Variants in EXT1 observed in about 807,000 individuals in gnomAD.
EXT1 encodes exostosin glycosyltransferase 1, also known as exostosin-1.
EXT1 carries 20 observed loss-of-function variants against 82.5 expected under a neutral mutation model. The ratio of observed to expected loss-of-function variants is 0.24; its 90% CI spans 0.17 to 0.35. The LOEUF (loss-of-function observed/expected upper bound fraction) is 0.35, where lower values mean the gene tolerates loss of function less well. EXT1 is among the 10% of genes least tolerant of loss of function. The pLI is 1.00. For missense variants in EXT1, 757 were observed against 936.5 expected, an observed-to-expected ratio of 0.81 and a Z score of 2.50; for synonymous variants, 348 against 350.8, an observed-to-expected ratio of 0.99 and a Z score of 0.09.
At chr8:117,936,119 T>C (rs1814157510) in intron 1 of EXT1, among the ~76,000 whole-genome samples, 1 of 152,226 alleles carries the variant, frequency 6.6e-6, no homozygotes, top group Admixed American at 6.5e-5. Flanking sequence ...GGCAACATGT[T>C]TCCACTGAAA....
At chr8:118,088,684 C>CTT (rs34437784) in intron 1 of EXT1, among the ~76,000 whole-genome samples, 208 of 144,930 alleles carry the variant, frequency 1.4e-3, no homozygotes, top group African/African-American at 5.0e-3. Context: ...GATGCCTTCT[C>CTT]TTTTTTTTTT....
chr8:118,094,205 AC>A (rs1817569876), intron 1 of EXT1, among the ~76,000 whole-genome samples: 3 of 152,298 alleles, frequency 2.0e-5, no homozygotes, highest in African/African-American at 7.2e-5. Flanking sequence ...GAAACATAAT[AC>A]TTTTGTAATA....
At chr8:117,832,233 A>G (rs1812112643) in intron 3 of EXT1, among the ~76,000 whole-genome samples, 1 of 152,156 alleles carries the variant, frequency 6.6e-6, no homozygotes, top group Non-Finnish European at 1.5e-5. Context: ...AGTCTATTAG[A>G]AAAATGCCTA....
At chr8:118,067,466 TGAGA>T (rs1306291907) in intron 1 of EXT1, among the ~76,000 whole-genome samples, 2 of 152,218 alleles carry the variant, frequency 1.3e-5, no homozygotes, top group African/African-American at 4.8e-5. Flanking sequence ...ACTGACTGCT[TGAGA>T]GAGCCACTAT....
At chr8:117,840,592 A>G (rs1440270428) in intron 1 of EXT1, among the ~76,000 whole-genome samples, 1 of 151,938 alleles carries the variant, frequency 6.6e-6, no homozygotes, top group Admixed American at 6.6e-5. Context: ...AGCCTGGGCA[A>G]CAAGAGCGAA....
intron 1 of EXT1, among the ~76,000 whole-genome samples, chr8:117,925,893 G>C (rs1302757060): frequency 1.3e-5 from 2 of 152,082 alleles, no homozygotes; most frequent in African/African-American, 2.4e-5. Flanking sequence ...GAGAGACCTT[G>C]TCTCAAAAAC....
chr8:117,864,518 G>A (rs1418179637), intron 1 of EXT1, among the ~76,000 whole-genome samples: 1 of 152,202 alleles, frequency 6.6e-6, no homozygotes, highest in Non-Finnish European at 1.5e-5. Flanking sequence ...GGGAGGCCGA[G>A]GCGGGCGGAT....
intron 1 of EXT1, among the ~76,000 whole-genome samples, chr8:117,978,655 A>C (rs192734698): frequency 2.0e-5 from 3 of 152,220 alleles, no homozygotes; most frequent in African/African-American, 7.2e-5. Context: ...GTTTCTTTAC[A>C]AATGTATCAC....
intron 1 of EXT1, among the ~76,000 whole-genome samples, chr8:117,882,891 C>T (rs533143896): frequency 2.0e-5 from 3 of 150,732 alleles, no homozygotes; most frequent in South Asian, 4.2e-4. Context: ...GCAGGAGAAT[C>T]GCTTGAACTG....
chr8:117,833,200 T>C (rs755850493), intron 3 of EXT1, among the ~76,000 whole-genome samples: 16 of 152,012 alleles, frequency 1.1e-4, no homozygotes, highest in Non-Finnish European at 2.4e-4. Flanking sequence ...AGACTGAATA[T>C]GAGAGGGGAA....
intron 1 of EXT1, among the ~76,000 whole-genome samples, chr8:117,858,798 G>T (rs1349780730): frequency 1.2e-5 from 1 of 84,904 alleles, no homozygotes; most frequent in African/African-American, 5.3e-5. Context: ...GGCAAGGCAA[G>T]GCAAGGCAAG....
chr8:117,973,929 G>GA, intron 1 of EXT1, among the ~76,000 whole-genome samples: 1 of 138,850 alleles, frequency 7.2e-6, no homozygotes, highest in African/African-American at 2.8e-5. Context: ...AAGGCAGAAA[G>GA]CAAGGAAGGA....
intron 1 of EXT1, among the ~76,000 whole-genome samples, chr8:118,066,285 AT>A (rs1321874639): frequency 6.6e-6 from 1 of 150,982 alleles, no homozygotes; most frequent in African/African-American, 2.4e-5. Context: ...TAGTAAATAT[AT>A]TTTCTCTTCC....
At chr8:117,807,127 T>C (rs530811418) in intron 9 of EXT1, 90 bp downstream of exon 9, 1 of 1,512,880 alleles carries the variant, frequency 6.6e-7, no homozygotes, top group Admixed American at 1.7e-5. Flanking sequence ...CTCAATGCTG[T>C]TAACAAGATT....
At chr8:117,980,694 GGTGGTTTTTTTTTTTT>G (rs1477790170) in intron 1 of EXT1, among the ~76,000 whole-genome samples, 6 of 123,394 alleles carry the variant, frequency 4.9e-5, no homozygotes, top group Admixed American at 7.8e-5. Flanking sequence ...TTCGGGTGTT[GGTGGTTTTTTTTTTTT>G]TTTTTTTTTT....
At chr8:117,846,833 C>T (rs899304658) in intron 1 of EXT1, among the ~76,000 whole-genome samples, 1 of 152,112 alleles carries the variant, frequency 6.6e-6, no homozygotes, top group African/African-American at 2.4e-5. Context: ...AGCTCCCCAC[C>T]TAGGACAATC....
intron 2 of EXT1, 99 bp downstream of exon 2, chr8:117,837,009 C>T (rs1241139442): frequency 2.6e-5 from 22 of 851,654 alleles, no homozygotes; most frequent in Non-Finnish European, 3.8e-5. Context: ...GGAAACCACA[C>T]CTTCTCTTTA....
At chr8:117,971,727 G>A (rs576214920) in intron 1 of EXT1, among the ~76,000 whole-genome samples, 3 of 152,296 alleles carry the variant, frequency 2.0e-5, no homozygotes, top group Admixed American at 6.5e-5. Context: ...TTGTGGTCAC[G>A]TAAATTATAG....
At chr8:118,078,969 A>C (rs182423721) in intron 1 of EXT1, among the ~76,000 whole-genome samples, 273 of 152,332 alleles carry the variant, frequency 1.8e-3, no homozygotes, top group Non-Finnish European at 2.8e-3. Context: ...AGTTCCATTA[A>C]AAGAGAAGTT....
Sources: gnomAD v4.1 joint callset for allele counts (sites outside exome capture counted in the v4.1 genomes callset) on GRCh38, gnomAD v4.1.1 for gene constraint, MANE v1.5 for transcripts, NCBI Gene and HGNC (gene_info 2026-07-23, HGNC 2026-07-21) for gene names.